PVT1: variants seen among roughly 807,000 people sequenced by gnomAD.
PVT1 encodes CXCR4/PVT1 fusion.
Position 128,047,852 on chromosome 8 carries a change from A to T in PVT1, n.913-22308A>T, listed in dbSNP as rs1011300267. On this transcript the variant is annotated intron_variant and non_coding_transcript_variant, in intron 4 of 10. Coordinates refer to ENST00000651587, the Ensembl canonical transcript of PVT1. Reference sequence around the variant, plus strand: ...ATGTATACATCATTCAAAACTTCACATCATATATTATAAATATATACAATT... The same window carrying T: ...ATGTATACATCATTCAAAACTTCACTTCATATATTATAAATATATACAATT... Among the ~76,000 whole-genome samples the T allele has an allele frequency of 1.2e-3, 182 of 152,376 alleles. 2 individuals carry two copies. Among genetic ancestry groups the T allele is most frequent in the Non-Finnish European group, 2.2e-4 (15 of 68,040 alleles).
chr8:127,981,244 C>A (rs1343392140), intron 3 of PVT1, among the ~76,000 whole-genome samples: 1 of 152,190 alleles, frequency 6.6e-6, no homozygotes, highest in Non-Finnish European at 1.5e-5. Flanking sequence ...TTGCTTGGTC[C>A]AACCTCTTTC....
chr8:127,976,283 G>T (rs1816822106), intron 3 of PVT1, among the ~76,000 whole-genome samples: 1 of 152,148 alleles, frequency 6.6e-6, no homozygotes, highest in Non-Finnish European at 1.5e-5. Context: ...CCCTTTCCCT[G>T]CCTCTGACTT....
intron 4 of PVT1, among the ~76,000 whole-genome samples, chr8:128,041,227 A>ATG (rs553257501): frequency 0.043 from 2,926 of 67,318 alleles, 91 homozygotes; most frequent in African/African-American, 0.11. Context: ...GTGTGTGTGC[A>ATG]TGTGTGTGTG....
chr8:128,006,459 G>A (rs1047927503), intron 4 of PVT1, among the ~76,000 whole-genome samples: 7 of 152,110 alleles, frequency 4.6e-5, no homozygotes, highest in Non-Finnish European at 1.5e-5. Context: ...TTAAGGTGAT[G>A]TCTGCCAGAT....
intron 3 of PVT1, among the ~76,000 whole-genome samples, chr8:127,912,269 C>A (rs1214160131): frequency 6.6e-6 from 1 of 152,206 alleles, no homozygotes; most frequent in Admixed American, 6.5e-5. Context: ...AATTTTGGAG[C>A]ACTTGCCATT....
chr8:127,822,632 C>A (rs1417149602), intron 2 of PVT1, among the ~76,000 whole-genome samples: 1 of 152,080 alleles, frequency 6.6e-6, no homozygotes, highest in African/African-American at 2.4e-5. Context: ...AGGGGTAAGT[C>A]CATCGGGACA....
chr8:127,847,300 C>T (rs773427046), intron 2 of PVT1, among the ~76,000 whole-genome samples: 2 of 152,140 alleles, frequency 1.3e-5, no homozygotes, highest in South Asian at 4.1e-4. Flanking sequence ...AAAATACCAA[C>T]GTTGTATAAT....
intron 4 of PVT1, among the ~76,000 whole-genome samples, chr8:128,049,792 C>T (rs1813667027): frequency 6.6e-6 from 1 of 152,178 alleles, no homozygotes; most frequent in Admixed American, 6.5e-5. Flanking sequence ...TTGATTCTGG[C>T]ATGTACTTGC....
chr8:127,863,124 T>G (rs1332671630), intron 2 of PVT1, among the ~76,000 whole-genome samples: 2 of 146,116 alleles, frequency 1.4e-5, no homozygotes, highest in African/African-American at 5.1e-5. Context: ...ATTTATTTAT[T>G]TTTCCGAGAC....
intron 3 of PVT1, chr8:127,939,402 GC>G (rs1369684316): frequency 6.6e-6 from 1 of 152,464 alleles, no homozygotes; most frequent in Non-Finnish European, 1.5e-5. Flanking sequence ...CAGCACGGGA[GC>G]CAGGTGCGGG....
At chr8:127,900,104 C>T (rs184828605) in intron 3 of PVT1, among the ~76,000 whole-genome samples, 4 of 152,146 alleles carry the variant, frequency 2.6e-5, no homozygotes, top group Admixed American at 2.6e-4. Context: ...TGCAGTGGTG[C>T]AATCTCAGCT....
Position 127,960,194 on chromosome 8 carries a change from T to C in PVT1, n.783-28968T>C, listed in dbSNP as rs116717510. On this transcript the variant is annotated intron_variant and non_coding_transcript_variant, in intron 3 of 10. Transcript: ENST00000651587. ...ACAGCCTGTTACTGCAGTTTCCAAG[T>C]TGGAGGGTCCGTGAGTCTACTCCCT... is the stretch of plus-strand genomic sequence containing the variant. 4.1e-3 allele frequency among the ~76,000 whole-genome samples: 624 copies of C among 152,346 alleles called. 6 individuals carry two copies. The highest frequency in any genetic ancestry group is 0.014 in the African/African-American group (596 of 41,588).
At chr8:127,824,345 C>T (rs865920815) in intron 2 of PVT1, among the ~76,000 whole-genome samples, 1 of 152,266 alleles carries the variant, frequency 6.6e-6, no homozygotes. Context: ...TCCCTTGGGG[C>T]CCCTTCAGCC....
chr8:127,903,972 A>G (rs28567380), intron 3 of PVT1, among the ~76,000 whole-genome samples: 19,131 of 152,218 alleles, frequency 0.13, 3,907 homozygotes, highest in African/African-American at 0.43. Context: ...AATGATGTTG[A>G]TAGTTTGAAA....
intron 4 of PVT1, among the ~76,000 whole-genome samples, chr8:128,021,618 A>G (rs1817439803): frequency 6.6e-6 from 1 of 152,118 alleles, no homozygotes; most frequent in African/African-American, 2.4e-5. Flanking sequence ...TATACTCAGT[A>G]TAATCAGTCC....
intron 2 of PVT1, among the ~76,000 whole-genome samples, chr8:127,875,941 G>A (rs1237410482): frequency 6.6e-6 from 1 of 152,196 alleles, no homozygotes; most frequent in Non-Finnish European, 1.5e-5. Context: ...TGCTCTCTGA[G>A]CAGTAAGTCC....
intron 3 of PVT1, among the ~76,000 whole-genome samples, chr8:127,955,423 T>A (rs1816556673): frequency 6.6e-6 from 1 of 152,224 alleles, no homozygotes; most frequent in Admixed American, 6.5e-5. Context: ...GGGCAGTGCC[T>A]CTAACCAAGC....
chr8:127,907,670 G>A (rs1396236802), intron 3 of PVT1, among the ~76,000 whole-genome samples: 1 of 152,182 alleles, frequency 6.6e-6, no homozygotes, highest in Admixed American at 6.5e-5. Flanking sequence ...TGCTGCCAAT[G>A]ATCAGATTTG....
chr8:127,868,869 T>TA (rs1312341479), intron 2 of PVT1, among the ~76,000 whole-genome samples: 2 of 122,208 alleles, frequency 1.6e-5, no homozygotes, highest in African/African-American at 6.1e-5. Flanking sequence ...CTTTAAGAAT[T>TA]ACTTAAAATT....
Sources: gnomAD v4.1 joint callset for allele counts (sites outside exome capture counted in the v4.1 genomes callset) on GRCh38, gnomAD v4.1.1 for gene constraint, MANE v1.5 for transcripts, NCBI Gene and HGNC (gene_info 2026-07-23, HGNC 2026-07-21) for gene names.